Variants in EML5 observed in about 807,000 individuals in gnomAD.
EML5 encodes the protein echinoderm microtubule-associated protein-like 5.
A neutral mutation model predicts 250.0 loss-of-function variants in EML5; 120 were observed. The observed-to-expected ratio is 0.48, with a 90% CI of 0.41 to 0.56. The LOEUF (loss-of-function observed/expected upper bound fraction) is 0.56, where lower values mean the gene tolerates loss of function less well. Ranked by LOEUF, EML5 falls within the 20% of genes least tolerant of loss-of-function variation. The pLI, the probability that EML5 is intolerant of heterozygous loss-of-function variation, is 0.00. For synonymous variants in EML5, 771 were observed against 806.5 expected (o/e 0.96, Z 0.75); for missense variants, 2,006 against 2,437.6 (o/e 0.82, Z 3.73).
intron 26 of EML5, 109 bp from the exon 27 acceptor site, chr14:88,657,611 T>C (rs527307894): frequency 1.9e-6 from 2 of 1,078,120 alleles, no homozygotes; most frequent in South Asian, 2.4e-5. Flanking sequence ...TAAGTTGTTA[T>C]AAGCAAATTA....
In EML5 at chr14:88,661,717, G is replaced by C. The variant is rs774454788; in HGVS notation, c.3612C>G (p.Asp1204Glu). ...CGTCCCCGGTAGCTAGAACCATTTT[G>C]TCACTGGTGAGGCAAGAAGCAGTTA... ...TDVTASCLTS[D>E]KMVLATGDDL... The change falls in exon 25 of 44, where the codon GAC (aspartate) becomes GAG (glutamate). Residue 1204 changes from aspartate to glutamate, a missense_variant. Transcript: ENST00000554922. The C allele has an allele frequency of 1.6e-5, 26 of 1,613,522 alleles. No individual in the cohort carries two copies. Among genetic ancestry groups the C allele is most frequent in the East Asian group, 1.6e-4 (7 of 44,828 alleles).
intron 42 of EML5, 102 bp downstream of exon 42, chr14:88,616,624 A>T: frequency 8.2e-7 from 1 of 1,226,882 alleles, no homozygotes; most frequent in Non-Finnish European, 1.1e-6. Context: ...GGAAAAATTT[A>T]GAAATTAGGA....
At chr14:88,666,618 A>G (rs946043364) in intron 21 of EML5, among the ~76,000 whole-genome samples, 2 of 151,964 alleles carry the variant, frequency 1.3e-5, no homozygotes, top group African/African-American at 2.4e-5. Context: ...CATATATGAA[A>G]TGATATTTTT....
At chr14:88,630,099 C>T (rs1016447366) in intron 33 of EML5, among the ~76,000 whole-genome samples, 4 of 136,944 alleles carry the variant, frequency 2.9e-5, no homozygotes, top group Middle Eastern at 4.9e-3. Flanking sequence ...GGCATGATCT[C>T]GGCTCACTGC....
chr14:88,683,021 T>A (rs2092749096), intron 20 of EML5, among the ~76,000 whole-genome samples: 1 of 152,230 alleles, frequency 6.6e-6, no homozygotes, highest in Admixed American at 6.5e-5. Flanking sequence ...CTGACTTCAT[T>A]TACAGCAGAG....
At chr14:88,635,501 T>C (rs2090671368) in intron 32 of EML5, among the ~76,000 whole-genome samples, 4 of 152,018 alleles carry the variant, frequency 2.6e-5, no homozygotes, top group Admixed American at 2.6e-4. Flanking sequence ...GAAGTACAAA[T>C]GAAAGCTTGA....
chr14:88,710,103 C>T (rs1030542101), intron 10 of EML5, among the ~76,000 whole-genome samples: 1 of 152,170 alleles, frequency 6.6e-6, no homozygotes, highest in African/African-American at 2.4e-5. Context: ...CTGTCCACCA[C>T]AGCCCCTATG....
At chr14:88,751,850 ATT>A (rs1366811801) in intron 2 of EML5, among the ~76,000 whole-genome samples, 23 of 152,292 alleles carry the variant, frequency 1.5e-4, no homozygotes, top group Admixed American at 1.1e-3. Context: ...ACCTGATCCT[ATT>A]CCCAGACAAA....
chr14:88,726,558 G>A lies in EML5; in HGVS notation c.1170C>T (p.Phe390=), dbSNP rs775251046. The change falls in exon 8 of 44, where the codon TTC becomes TTT. Residue 390 remains phenylalanine, a synonymous_variant. Transcript: ENST00000554922. ...TACCATACCTTACTCTAAGTACAGT[G>A]AATGAGCCATCCTTCATTCCAAGGG... ...HLALGMKDGS[F]TVLRVRDMTE... is the part of the protein sequence containing the mutation. 1.2e-6 allele frequency: 2 copies of A among 1,606,244 alleles called. No homozygotes were observed. Among genetic ancestry groups the A allele is most frequent in the Non-Finnish European group, 8.5e-7 (1 of 1,176,038 alleles).
At chr14:88,721,066 G>A (rs946918809) in intron 8 of EML5, among the ~76,000 whole-genome samples, 5 of 152,112 alleles carry the variant, frequency 3.3e-5, no homozygotes, top group African/African-American at 9.7e-5. Context: ...GCTAATAAGA[G>A]AAGTGAAAGA....
At chr14:88,733,880 A>G (rs1173560214) in intron 7 of EML5, among the ~76,000 whole-genome samples, 2 of 152,200 alleles carry the variant, frequency 1.3e-5, no homozygotes, top group Non-Finnish European at 2.9e-5. Flanking sequence ...TTTAAAAAAT[A>G]ATTTTGGGGA....
At position 88,658,188 on chromosome 14, in the gene EML5, C is replaced by T. The variant is rs763789687; in HGVS notation, c.3876G>A (p.Gly1292=). ...EESDIDSEED[G]GYDSDVTREN... ...TTCAAGTATTATAAAATGACGTACC[C>T]CCATCTTCTTCAGAATCAATGTCGG... The change falls in exon 26 of 44, where the codon GGG becomes GGA. Residue 1292 remains glycine (G), a splice_region_variant and synonymous_variant. Transcript: ENST00000554922. 6.2e-7 allele frequency: 1 copy of T among 1,613,426 alleles called. No homozygotes were observed. The highest frequency in any genetic ancestry group is 8.5e-7 in the Non-Finnish European group (1 of 1,179,618).
chr14:88,699,425 C>T (rs2093157177), intron 14 of EML5, among the ~76,000 whole-genome samples: 5 of 151,088 alleles, frequency 3.3e-5, no homozygotes, highest in Admixed American at 3.3e-4. Flanking sequence ...CCTTGAATTG[C>T]ATTTAACCAA....
intron 25 of EML5, among the ~76,000 whole-genome samples, chr14:88,660,280 C>T (rs1567079207): frequency 8.0e-6 from 1 of 125,786 alleles, no homozygotes; most frequent in African/African-American, 3.6e-5. Context: ...GAGACGCTGT[C>T]TTAAAAAAAA....
chr14:88,647,392 A>G (rs1236031716), intron 28 of EML5, among the ~76,000 whole-genome samples: 7 of 151,910 alleles, frequency 4.6e-5, no homozygotes, highest in Admixed American at 4.6e-4. Flanking sequence ...AAAGAAAGAA[A>G]AAAGAATAAA....
chr14:88,721,866 C>T (rs1238299624), intron 8 of EML5, among the ~76,000 whole-genome samples: 1 of 152,114 alleles, frequency 6.6e-6, no homozygotes, highest in Non-Finnish European at 1.5e-5. Flanking sequence ...GCAATCTATC[C>T]ATCTGACAAA....
At chr14:88,772,667 C>T (rs774658383) in intron 1 of EML5, among the ~76,000 whole-genome samples, 2 of 151,914 alleles carry the variant, frequency 1.3e-5, no homozygotes, top group Non-Finnish European at 2.9e-5. Context: ...GCAGAAGAAT[C>T]GCTTGAACCT....
At position 88,615,348 on chromosome 14, in the gene EML5, GATC is replaced by G. The variant is rs1422861003; in HGVS notation, c.*467_*469del. 1.3e-5 allele frequency: 2 copies of G among 152,880 alleles called. No homozygotes were observed. Among genetic ancestry groups the G allele is most frequent in the South Asian group, 2.1e-4 (1 of 4,840 alleles). The allele number at this position is 152,880 out of a possible 1,614,324, so 9.5% of individuals were successfully genotyped here. ...TTTAAAAACTGTGATCCTTTAGGAT[GATC>G]ATGACTTTCCCTTTCCTTATGGAAA... is the stretch of plus-strand genomic sequence containing the variant. On this transcript the variant is annotated 3_prime_UTR_variant, in exon 44 of 44. Transcript: ENST00000554922.
Position 88,615,834 on chromosome 14 carries a change from A to G in EML5, c.5918T>C (p.Val1973Ala), listed in dbSNP as rs775809397. ...CAGCATCTCTCAGTGAGGTGTATGT[A>G]CACATTTCCAGACAAATAAGCTGCA... ...DDCSLFVWKC[V>A]HTPH The change falls in exon 44 of 44, where the codon GTA becomes GCA. Residue 1973 changes from valine (V) to alanine (A), a missense_variant. Val to Ala is a moderately conservative substitution (Grantham distance 64). Around this residue, in one of 7 missense-constraint regions of EML5, gnomAD observed 56 missense variants for 55.1 expected, o/e 1.02. Transcript: ENST00000554922. 6.2e-7 allele frequency: 1 copy of G among 1,612,010 alleles called. No homozygotes were observed. Among genetic ancestry groups the G allele is most frequent in the South Asian group, 1.1e-5 (1 of 90,362 alleles).
Sources: gnomAD v4.1 joint callset for allele counts (sites outside exome capture counted in the v4.1 genomes callset) on GRCh38, gnomAD v4.1.1 for gene constraint, gnomAD v4.1.1 regional missense constraint, MANE v1.5 for transcripts, NCBI Gene and HGNC (gene_info 2026-07-23, HGNC 2026-07-21) for gene names.